The following AOC3 variants were observed in gnomAD, a reference collection of about 807,000 sequenced individuals.
AOC3 encodes amine oxidase copper containing 3.
In AOC3, 47 loss-of-function variants were observed where a neutral mutation model predicts 55.4. The ratio of observed to expected loss-of-function variants is 0.85; its 90% CI spans 0.67 to 1.08. AOC3 has a LOEUF of 1.08. AOC3 is among the 50% of genes least tolerant of loss of function. The pLI, the probability that AOC3 is intolerant of heterozygous loss-of-function variation, is 0.00. For synonymous variants in AOC3, 386 were observed against 410.7 expected (o/e 0.94, Z 0.73); for missense variants, 853 against 993.1 (o/e 0.86, Z 1.90).
chr17:42,856,819 G>A lies in AOC3; in HGVS notation c.*269G>A, dbSNP rs982831351. The A allele has an allele frequency of 1.1e-5, 6 of 522,550 alleles. No homozygotes were observed. Among genetic ancestry groups the A allele is most frequent in the Admixed American group, 6.9e-5 (2 of 28,948 alleles). 32.4% of individuals were successfully genotyped at this position (522,550 alleles called of 1,614,324 possible). A position where few individuals can be genotyped will look rare whatever the true frequency, so the allele number is the denominator to read the frequency against. On this transcript the variant is annotated 3_prime_UTR_variant, in exon 4 of 4. Transcript: ENST00000308423. ...CATGGCCCAGCCTGGAGCCGTGGCC[G>A]AGGGCTTCCCTAGATGGTTCCCTTT...
In AOC3 at chr17:42,852,950, C is replaced by T; in HGVS notation, c.1600+7C>T. 1 of 1,596,314 alleles carries T rather than the reference C, an allele frequency of 6.3e-7. No individual in the cohort carries two copies. The highest frequency in any genetic ancestry group is 2.3e-5 in the East Asian group (1 of 44,298). ...GTGGATCTGGATGTAGCAGGTAAGACATTTTGGTGGGGAGAAGGCTTCTGG... is the reference window on the plus strand; with the variant it reads ...GTGGATCTGGATGTAGCAGGTAAGATATTTTGGTGGGGAGAAGGCTTCTGG... On this transcript the variant is annotated splice_region_variant and intron_variant, in intron 1 of 3. Coordinates refer to ENST00000308423, the MANE Select transcript of AOC3 (RefSeq NM_003734.4).
intron 1 of AOC3, among the ~76,000 whole-genome samples, chr17:42,853,897 T>G (rs992932150): frequency 3.9e-5 from 6 of 152,168 alleles, no homozygotes; most frequent in African/African-American, 1.4e-4. Context: ...ACACCCAAAT[T>G]CTCCATGTCC....
At position 42,853,000 on chromosome 17, in the gene AOC3, A is replaced by G. The variant is rs1050433335; in HGVS notation, c.1600+57A>G. 6.8e-5 allele frequency: 107 copies of G among 1,563,870 alleles called. 1 individual carries two copies. The Admixed American group carries it at 1.9e-3, about 28-fold the overall frequency. On this transcript the variant is annotated intron_variant, in intron 1 of 3. Transcript: ENST00000308423. ...GAAGAAGGGCTGAAAAGTTGTTTCC[A>G]TTAGCTTTGGGTTTTATGTAGATTA...
intron 2 of AOC3, 95 bp from the exon 3 acceptor site, chr17:42,855,349 G>A: frequency 6.7e-7 from 1 of 1,503,028 alleles, no homozygotes; most frequent in Non-Finnish European, 9.0e-7. Context: ...ACTGCAATTG[G>A]GGAAGCTGAG....
rs891329966 is a variant in AOC3 at position 42,857,032 on chromosome 17, TTCC to T, written c.*496_*498del. 39 of 162,044 alleles carry T rather than the reference TTCC, an allele frequency of 2.4e-4. No homozygotes were observed. Among genetic ancestry groups the T allele is most frequent in the South Asian group, 7.0e-4 (4 of 5,710 alleles). 10.0% of individuals were successfully genotyped at this position (162,044 alleles called of 1,614,324 possible). On this transcript the variant is annotated 3_prime_UTR_variant, in exon 4 of 4. Coordinates refer to ENST00000308423, the MANE Select transcript of AOC3 (RefSeq NM_003734.4). ...TCTCGTCTTCCTCTCTCTCACCTAC[TTCC>T]TCCTCCTCCTCCTGTTCCTGCCTTC...
rs748862748 is a variant in AOC3, at chr17:42,856,893, TA to T, written c.*347del. 1.5e-5 allele frequency: 5 copies of T among 324,524 alleles called. No homozygotes were observed. The highest frequency in any genetic ancestry group is 2.9e-5 in the Non-Finnish European group (5 of 174,382). The allele number at this position is 324,524 out of a possible 1,614,324, so 20.1% of individuals were successfully genotyped here. A position where few individuals can be genotyped will look rare whatever the true frequency, so the allele number is the denominator to read the frequency against. On this transcript the variant is annotated 3_prime_UTR_variant, in exon 4 of 4. Transcript: ENST00000308423. ...CTTTTTAGGCCACCTCCAAGGACTC[TA>T]AAAGGGGGCTATTCCCTGGAGACCC...
chr17:42,853,226 C>T, intron 1 of AOC3: 2 of 1,272,472 alleles, frequency 1.6e-6, no homozygotes, highest in Non-Finnish European at 2.0e-6. Context: ...TCCCCATTGC[C>T]CTCTTCTCTC....
rs145072530 is a variant in AOC3, at chr17:42,852,760, T to A, written c.1417T>A (p.Tyr473Asn). Reference protein sequence around the residue: ...RSMSTLLNYDYVWDTVFHPSG... With the variant: ...RSMSTLLNYDNVWDTVFHPSG... ...TATGTCCACCTTGCTCAACTATGAC[T>A]ATGTGTGGGATACGGTCTTCCACCC... The change falls in exon 1 of 4, where the codon TAT becomes AAT. Residue 473 changes from tyrosine (Y) to asparagine (N), a missense_variant. Physicochemically the swap from Tyr to Asn is moderately radical, Grantham distance 143. Transcript: ENST00000308423. The A allele has an allele frequency of 6.2e-4, 1,004 of 1,613,610 alleles. 2 individuals carry two copies. The highest frequency in any genetic ancestry group is 7.5e-4 in the Non-Finnish European group (888 of 1,179,580).
intron 2 of AOC3, among the ~76,000 whole-genome samples, chr17:42,855,039 G>T (rs1567691723): frequency 6.6e-6 from 1 of 151,940 alleles, no homozygotes; most frequent in Non-Finnish European, 1.5e-5. Context: ...TAGAGATAGG[G>T]TTTCACCATG....
rs758530910 is a variant in AOC3, at chr17:42,854,557, G to T, written c.1710G>T (p.Glu570Asp). The change falls in exon 2 of 4, where the codon GAG becomes GAT. Residue 570 changes from glutamate (E) to aspartate (D), a missense_variant. Transcript: ENST00000308423. ...TGCAGGTGACCCGGAAGCTGCTGGA[G>T]ATGGAGGAGCAGGCCGCCTTCCTCG... is the stretch of plus-strand genomic sequence containing the variant. Reference protein sequence around the residue: ...QRLQVTRKLLEMEEQAAFLVG... With the variant: ...QRLQVTRKLLDMEEQAAFLVG... 1 of 1,611,288 alleles carries T rather than the reference G, an allele frequency of 6.2e-7. No homozygotes were observed. The highest frequency in any genetic ancestry group is 1.7e-5 in the Admixed American group (1 of 59,830).
Position 42,854,370 on chromosome 17 carries a change from C to A in AOC3, c.1601-78C>A. ...TCTGGGCTGCTCTTTGGCCCCCACT[C>A]TGAAGCCAGATGGGGGCAGAGTCCA... On this transcript the variant is annotated intron_variant, in intron 1 of 3. Coordinates refer to ENST00000308423, the MANE Select transcript of AOC3 (RefSeq NM_003734.4). The A allele has an allele frequency of 2.2e-6, 3 of 1,359,368 alleles. No individual in the cohort carries two copies. In the African/African-American group the frequency reaches 4.5e-5, roughly 20 times the overall value. 84.2% of individuals were successfully genotyped at this position (1,359,368 alleles called of 1,614,324 possible). A position where few individuals can be genotyped will look rare whatever the true frequency, so the allele number is the denominator to read the frequency against.
Position 42,857,639 on chromosome 17 carries a change from G to T in AOC3, c.*1089G>T, listed in dbSNP as rs1330767555. On this transcript the variant is annotated 3_prime_UTR_variant, in exon 4 of 4. Coordinates refer to ENST00000308423, the MANE Select transcript of AOC3 (RefSeq NM_003734.4). ...TAGTGGGGAGGGGCCTGGCCTGGGT[G>T]GGGCAGGGCCTGGCCTGGTCCAGGC... The T allele has an allele frequency of 6.6e-6, 1 of 152,296 alleles. No homozygotes were observed. Among genetic ancestry groups the T allele is most frequent in the East Asian group, 1.9e-4 (1 of 5,300 alleles). The allele number at this position is 152,296 out of a possible 1,614,324, so 9.4% of individuals were successfully genotyped here.
At position 42,856,674 on chromosome 17, in the gene AOC3, A is replaced by C; in HGVS notation, c.*124A>C. On this transcript the variant is annotated 3_prime_UTR_variant, in exon 4 of 4. Transcript: ENST00000308423. ...CCTGTGCCAGGACTCTCTTTCTTCCACTACCCTCCCTCGCATCCGCCTCTG... is the reference window on the plus strand; with the variant it reads ...CCTGTGCCAGGACTCTCTTTCTTCCCCTACCCTCCCTCGCATCCGCCTCTG... 1 of 1,181,172 alleles carries C rather than the reference A, an allele frequency of 8.5e-7. No homozygotes were observed. The highest frequency in any genetic ancestry group is 1.2e-6 in the Non-Finnish European group (1 of 846,388). The allele number at this position is 1,181,172 out of a possible 1,614,324, so 73.2% of individuals were successfully genotyped here.
chr17:42,851,525 C>T lies in AOC3; in HGVS notation c.182C>T (p.Ala61Val), dbSNP rs1567688681. 6.2e-7 allele frequency: 1 copy of T among 1,614,140 alleles called. No individual in the cohort carries two copies. The highest frequency in any genetic ancestry group is 8.5e-7 in the Non-Finnish European group (1 of 1,180,004). ...WTHPGQSQLF[A>V]DLSREELTAV... Reference sequence around the variant, plus strand: ...CACCCTGGCCAGAGCCAGCTGTTTGCAGACCTGAGCCGAGAGGAGCTGACG... The same window carrying T: ...CACCCTGGCCAGAGCCAGCTGTTTGTAGACCTGAGCCGAGAGGAGCTGACG... The change falls in exon 1 of 4, where the codon GCA (alanine) becomes GTA (valine). Residue 61 changes from alanine to valine, a missense_variant. By Grantham distance (64) the Ala-to-Val change is moderately conservative. Coordinates refer to ENST00000308423, the MANE Select transcript of AOC3 (RefSeq NM_003734.4).
rs1407943551 is a variant in AOC3 at position 42,852,596 on chromosome 17, A to T, written c.1253A>T (p.Glu418Val). ...ATYVDWHFLLESQAPKTIRDA... is the reference protein window; with the variant it reads ...ATYVDWHFLLVSQAPKTIRDA... ...TACGTGGACTGGCACTTCCTTTTGG[A>T]GTCCCAGGCCCCCAAGACAATACGT... is the stretch of plus-strand genomic sequence containing the variant. Residue 418 changes from glutamate to valine, a missense_variant, in exon 1 of 4, where the codon GAG becomes GTG. Physicochemically the swap from Glu to Val is moderately radical, Grantham distance 121 (BLOSUM62 -2). Coordinates refer to ENST00000308423, the MANE Select transcript of AOC3 (RefSeq NM_003734.4). The T allele has an allele frequency of 1.2e-6, 2 of 1,614,078 alleles. No individual in the cohort carries two copies. Among genetic ancestry groups the T allele is most frequent in the East Asian group, 4.5e-5 (2 of 44,870 alleles).
In AOC3 at chr17:42,852,739, T is replaced by C. The variant is rs775720517; in HGVS notation, c.1396T>C (p.Ser466Pro). 2.0e-5 allele frequency: 33 copies of C among 1,614,120 alleles called. No homozygotes were observed. The highest frequency in any genetic ancestry group is 4.0e-5 in the African/African-American group (3 of 74,930). The change falls in exon 1 of 4, where the codon TCC becomes CCC. Residue 466 changes from serine (S) to proline (P), a missense_variant. By Grantham distance (74) the Ser-to-Pro change is moderately conservative (BLOSUM62 -1). Transcript: ENST00000308423. ...AETVLVVRSMSTLLNYDYVWD... is the reference protein window; with the variant it reads ...AETVLVVRSMPTLLNYDYVWD... ...AACGGTGCTGGTCGTCAGATCTATG[T>C]CCACCTTGCTCAACTATGACTATGT...
In AOC3 at chr17:42,852,271, C is replaced by G; in HGVS notation, c.928C>G (p.Pro310Ala). 2 of 1,614,000 alleles carry G rather than the reference C, an allele frequency of 1.2e-6. No homozygotes were observed. Among genetic ancestry groups the G allele is most frequent in the Non-Finnish European group, 1.7e-6 (2 of 1,180,022 alleles). The change falls in exon 1 of 4, where the codon CCA becomes GCA. Residue 310 changes from proline (P) to alanine (A), a missense_variant. By Grantham distance (27) the Pro-to-Ala change is conservative. Transcript: ENST00000308423. Reference protein sequence around the residue: ...WSLKSPVPPGPAPPLQFYPQG... With the variant: ...WSLKSPVPPGAAPPLQFYPQG... ...CCTGAAGTCCCCTGTGCCCCCGGGT[C>G]CAGCTCCCCCTCTACAGTTCTATCC... is the stretch of plus-strand genomic sequence containing the variant.
Position 42,852,839 on chromosome 17 carries a change from TC to T in AOC3, c.1498del (p.Leu500SerfsTer33), listed in dbSNP as rs747884502. 4.5e-5 allele frequency: 72 copies of T among 1,613,864 alleles called. No homozygotes were observed. Among genetic ancestry groups the T allele is most frequent in the Non-Finnish European group, 5.8e-5 (69 of 1,179,894 alleles). Reference protein sequence around the residue: ...FYATGYISSAFLFGATGKYGN... With the variant: ...FYATGYISSAXLFGATGKYGN... ...GCCACGGGCTACATCAGCTCGGCAT[TC>T]CTCTTTGGTGCTACTGGGAAGTACG... On this transcript the variant is annotated frameshift_variant, in exon 1 of 4. Coordinates refer to ENST00000308423, the MANE Select transcript of AOC3 (RefSeq NM_003734.4). LOFTEE classifies it high-confidence loss of function.
rs771859552 is a variant in AOC3, at chr17:42,851,565, T to C, written c.222T>C (p.Phe74=). The C allele has an allele frequency of 1.9e-6, 3 of 1,613,652 alleles. No homozygotes were observed. The African/African-American group carries it at 4.0e-5, about 22-fold the overall frequency. ...SREELTAVMR[F]LTQRLGPGLV... ...AGGAGCTGACGGCTGTGATGCGCTT[T>C]CTGACCCAGCGGCTGGGGCCAGGGC... is the stretch of plus-strand genomic sequence containing the variant. Residue 74 remains phenylalanine, a synonymous_variant, in exon 1 of 4, where the codon TTT becomes TTC. Coordinates refer to ENST00000308423, the MANE Select transcript of AOC3 (RefSeq NM_003734.4).
Sources: allele counts gnomAD v4.1 joint callset (sites outside exome capture counted in the v4.1 genomes callset), GRCh38; gene constraint gnomAD v4.1.1; transcripts MANE v1.5; gene names NCBI Gene and HGNC (gene_info 2026-07-23, HGNC 2026-07-21).